Variants in MFSD6 observed in about 807,000 individuals in gnomAD.
The protein encoded by MFSD6 is major facilitator superfamily domain-containing protein 6.
MFSD6 carries 26 observed loss-of-function variants against 56.3 expected under a neutral mutation model. That is an observed-to-expected ratio of 0.46 (90% CI 0.34 to 0.64). MFSD6 has a LOEUF of 0.64. Among genes scored for constraint, MFSD6 ranks in the 30% least tolerant of loss-of-function variants. The probability of loss-of-function intolerance (pLI) is 0.01; values close to 1 mark genes in which losing one functional copy is unlikely to be tolerated. For synonymous variants in MFSD6, 331 were observed against 366.9 expected (o/e 0.90, Z 1.12); for missense variants, 750 against 986.2 (o/e 0.76, Z 3.21).
chr2:190,464,947 G>T, intron 3 of MFSD6: 1 of 977,956 alleles, frequency 1.0e-6, no homozygotes, highest in Non-Finnish European at 1.2e-6. Flanking sequence ...ATTATAGTTG[G>T]TTAAATTTAG....
intron 4 of MFSD6, among the ~76,000 whole-genome samples, chr2:190,472,066 T>C (rs4853714): frequency 1 from 152,215 of 152,306 alleles, 76,062 homozygotes; most frequent in Middle Eastern, 1. Flanking sequence ...ACAGAAAGGA[T>C]ATCCACACCA....
At position 190,490,263 on chromosome 2, in the gene MFSD6, TA is replaced by T. The variant is rs141689643; in HGVS notation, c.1891+411del. On this transcript the variant is annotated intron_variant, in intron 6 of 7. Transcript: ENST00000392328. This position sits in a 1 kb window ranked among gnomAD's most constrained non-coding sequence, Gnocchi z 4.5. ...TTCTCTATGACTTACCTTCATTTGTTAAAAAAAAAAAAAACAATGGCCGGGT... is the reference window on the plus strand; with the variant it reads ...TTCTCTATGACTTACCTTCATTTGTTAAAAAAAAAAAAACAATGGCCGGGT... Among the ~76,000 whole-genome samples the T allele has an allele frequency of 0.26, 37,293 of 143,900 alleles. 5,081 individuals are homozygous for T. Among genetic ancestry groups the T allele is most frequent in the South Asian group, 0.34 (1,549 of 4,584 alleles). 94.4% of individuals were successfully genotyped at this position (143,900 alleles called of 152,430 possible).
rs1388498736 is a variant in MFSD6 at position 190,413,286 on chromosome 2, C to T, written c.-175-2006C>T. 3.3e-5 allele frequency among the ~76,000 whole-genome samples: 5 copies of T among 150,996 alleles called. No individual in the cohort carries two copies. The highest frequency in any genetic ancestry group is 4.4e-5 in the Non-Finnish European group (3 of 67,842). ...CTGCTGCATTTTAGGATGGGAGGGG[C>T]GGGGTAGAATGGGGGAGAATAGGGC... On this transcript the variant is annotated intron_variant, in intron 1 of 7. Transcript: ENST00000392328. This position sits in a 1 kb window ranked among gnomAD's most constrained non-coding sequence, Gnocchi z 4.1.
At position 190,430,806 on chromosome 2, in the gene MFSD6, C is replaced by G. The variant is rs1056915691; in HGVS notation, c.-53-5171C>G. The stretch of plus-strand genomic sequence containing the variant: ...GCCGGGCGGGCAGAGGCGCCCCCCC[C>G]ACCTCCCTCCCGGACGGGGCGGCCG... On this transcript the variant is annotated intron_variant, in intron 2 of 7. Transcript: ENST00000392328. Among the ~76,000 whole-genome samples, 29 of 146,286 alleles carry G rather than the reference C, an allele frequency of 2.0e-4. 1 individual carries two copies. The South Asian group carries it at 3.3e-3, about 17-fold the overall frequency.
At chr2:190,411,687 A>G in intron 1 of MFSD6, 1 of 985,418 alleles carries the variant, frequency 1.0e-6, no homozygotes, top group Non-Finnish European at 1.2e-6. Context: ...TAGGGAAGTG[A>G]AATGAGACTC....
rs1689982879 is a variant in MFSD6 at position 190,500,651 on chromosome 2, A to G, written c.*433A>G. ...CACAAACTGGGAAGAGATAGAATTC[A>G]TCTATACTTTCTTTTTTCTTGGAGA... On this transcript the variant is annotated 3_prime_UTR_variant, in exon 8 of 8. Transcript: ENST00000392328. The surrounding 1 kb of genome is among the most constrained non-coding windows in gnomAD (Gnocchi z 5.3). 6.4e-6 allele frequency: 1 copy of G among 156,462 alleles called. No individual in the cohort carries two copies. The highest frequency in any genetic ancestry group is 2.4e-5 in the African/African-American group (1 of 41,560). 9.7% of individuals were successfully genotyped at this position (156,462 alleles called of 1,614,324 possible). A position where few individuals can be genotyped will look rare whatever the true frequency, so the allele number is the denominator to read the frequency against.
Position 190,416,933 on chromosome 2 carries a change from A to G in MFSD6, c.-54+1520A>G, listed in dbSNP as rs1303275202. Among the ~76,000 whole-genome samples the G allele has an allele frequency of 6.6e-6, 1 of 152,176 alleles. No individual in the cohort carries two copies. The highest frequency in any genetic ancestry group is 1.5e-5 in the Non-Finnish European group (1 of 68,018). ...ACATTAAACTTTAATAAAAATTTAT[A>G]TGTTTATTGTCATCAGGTGCTTGTC... On this transcript the variant is annotated intron_variant, in intron 2 of 7. Coordinates refer to ENST00000392328, the MANE Select transcript of MFSD6 (RefSeq NM_017694.4). This position sits in a 1 kb window ranked among gnomAD's most constrained non-coding sequence, Gnocchi z 4.1.
In MFSD6 at chr2:190,469,746, A is replaced by ATTTTTTG; in HGVS notation, c.1533-6_1533-5insGTTTTTT. ...TTTTTTTATTTTATTTTTATTTTTT[A>ATTTTTTG]TTTTTTTTTAGGGTTCTGTACATTG... On this transcript the variant is annotated splice_polypyrimidine_tract_variant and intron_variant, in intron 3 of 7. Transcript: ENST00000392328. The surrounding 1 kb of genome is among the most constrained non-coding windows in gnomAD (Gnocchi z 5.3). 2 of 1,364,954 alleles carry ATTTTTTG rather than the reference A, an allele frequency of 1.5e-6. No individual in the cohort carries two copies. The highest frequency in any genetic ancestry group is 1.9e-6 in the Non-Finnish European group (2 of 1,032,304). 84.6% of individuals were successfully genotyped at this position (1,364,954 alleles called of 1,614,324 possible).
At chr2:190,428,250 A>ACAGGTT (rs1685845136) in intron 2 of MFSD6, among the ~76,000 whole-genome samples, 1 of 152,206 alleles carries the variant, frequency 6.6e-6, no homozygotes, top group Non-Finnish European at 1.5e-5. Context: ...TATCTGCTGT[A>ACAGGTT]GACAGGTTGC....
In MFSD6 at chr2:190,437,567, A is replaced by G. The variant is rs1366104962; in HGVS notation, c.1532+6A>G. 4 of 1,607,848 alleles carry G rather than the reference A, an allele frequency of 2.5e-6. No homozygotes were observed. Among genetic ancestry groups the G allele is most frequent in the African/African-American group, 2.7e-5 (2 of 74,680 alleles). On this transcript the variant is annotated splice_donor_region_variant and intron_variant, in intron 3 of 7. Transcript: ENST00000392328. This position sits in a 1 kb window ranked among gnomAD's most constrained non-coding sequence, Gnocchi z 5.9. ...GAATTGATCGGCCACATCAGGTAAG[A>G]ACATGCTTACGATTGCTGCCCCTCA...
chr2:190,459,822 C>T lies in MFSD6; in HGVS notation c.1533-9936C>T, dbSNP rs890411923. On this transcript the variant is annotated intron_variant, in intron 3 of 7. Transcript: ENST00000392328. This position sits in a 1 kb window ranked among gnomAD's most constrained non-coding sequence, Gnocchi z 5.3. ...GAGACTCAGACCCAAATTACTTTTA[C>T]CTTTTCTCTTTCTAGCAGAAACAAT... Among the ~76,000 whole-genome samples, 1 of 152,216 alleles carries T rather than the reference C, an allele frequency of 6.6e-6. No homozygotes were observed. The highest frequency in any genetic ancestry group is 1.5e-5 in the Non-Finnish European group (1 of 68,040).
chr2:190,464,743 ATTTG>A, intron 3 of MFSD6: 1 of 178,748 alleles, frequency 5.6e-6, no homozygotes, highest in Non-Finnish European at 1.1e-5. Flanking sequence ...TATTTAACTT[ATTTG>A]TTTATGTGTT....
In MFSD6 at chr2:190,431,131, C is replaced by T. The variant is rs1395656433; in HGVS notation, c.-53-4846C>T. The stretch of plus-strand genomic sequence containing the variant: ...AGGGCGGCGGGGCAGAGGCGCTCCC[C>T]ACATCTCAGACGATGGGCAGCCAGG... On this transcript the variant is annotated intron_variant, in intron 2 of 7. Coordinates refer to ENST00000392328, the MANE Select transcript of MFSD6 (RefSeq NM_017694.4). This position sits in a 1 kb window ranked among gnomAD's most constrained non-coding sequence, Gnocchi z 4.4. 4.0e-5 allele frequency among the ~76,000 whole-genome samples: 6 copies of T among 150,276 alleles called. No homozygotes were observed.
chr2:190,486,853 C>A (rs1411298980), intron 4 of MFSD6, among the ~76,000 whole-genome samples: 1 of 152,140 alleles, frequency 6.6e-6, no homozygotes, highest in Non-Finnish European at 1.5e-5. Context: ...CCTGTTGTGA[C>A]AATATCTGGT....
chr2:190,449,960 C>G (rs189227662), intron 3 of MFSD6, among the ~76,000 whole-genome samples: 2 of 152,018 alleles, frequency 1.3e-5, no homozygotes, highest in East Asian at 3.9e-4. Flanking sequence ...CACATGTATA[C>G]ATATGTAACT....
intron 4 of MFSD6, among the ~76,000 whole-genome samples, chr2:190,486,746 A>C (rs1689031896): frequency 6.6e-6 from 1 of 152,212 alleles, no homozygotes; most frequent in African/African-American, 2.4e-5. Context: ...AATTTTCCAA[A>C]ATACGAGTTA....
chr2:190,427,226 C>G (rs1685809896), intron 2 of MFSD6, among the ~76,000 whole-genome samples: 1 of 152,240 alleles, frequency 6.6e-6, no homozygotes. Context: ...GGCCTCATTA[C>G]TGCCTAGCAG....
At chr2:190,432,842 T>C (rs10931453) in intron 2 of MFSD6, among the ~76,000 whole-genome samples, 4 of 126,028 alleles carry the variant, frequency 3.2e-5, no homozygotes, top group South Asian at 2.8e-4. Context: ...ACACACACAC[T>C]CTCTCTCTCT....
intron 4 of MFSD6, among the ~76,000 whole-genome samples, chr2:190,477,989 G>A (rs12693576): frequency 0.3 from 45,829 of 152,050 alleles, 7,644 homozygotes; most frequent in East Asian, 0.46. Context: ...GAACAGAATG[G>A]CCTCTTCAGG....
Sources: gnomAD v4.1 joint callset for allele counts (sites outside exome capture counted in the v4.1 genomes callset) on GRCh38, gnomAD v4.1.1 for gene constraint, Gnocchi (gnomAD v3.1) non-coding constraint, MANE v1.5 for transcripts, NCBI Gene and HGNC (gene_info 2026-07-23, HGNC 2026-07-21) for gene names.